FOXP1: variants seen among roughly 807,000 people sequenced by gnomAD.
The protein encoded by FOXP1 is forkhead box P1, also known as forkhead box protein P1.
Under a neutral mutation model 98.2 loss-of-function variants are expected in FOXP1, and 15 were observed. The observed-to-expected ratio is 0.15, with a 90% CI of 0.10 to 0.24. The LOEUF (loss-of-function observed/expected upper bound fraction) is 0.24. Among genes scored for constraint, FOXP1 ranks in the 10% least tolerant of loss-of-function variants. The pLI, the probability that FOXP1 is intolerant of heterozygous loss-of-function variation, is 1.00. For synonymous variants in FOXP1, 371 were observed against 314.5 expected, an observed-to-expected ratio of 1.18 and a Z score of -1.90; for missense variants, 633 against 848.5, an observed-to-expected ratio of 0.75 and a Z score of 3.15.
intron 2 of FOXP1, among the ~76,000 whole-genome samples, chr3:71,508,493 C>T (rs1032465556): frequency 6.6e-6 from 1 of 152,140 alleles, no homozygotes; most frequent in Non-Finnish European, 1.5e-5. Context: ...CTCCCAGAAG[C>T]TCTGGGGAAG....
rs1364626461 is a variant in FOXP1 at position 71,346,585 on chromosome 3, C to T, written c.-73+12565G>A. Among the ~76,000 whole-genome samples the T allele has an allele frequency of 5.3e-5, 8 of 152,244 alleles. No homozygotes were observed. In the South Asian group the frequency reaches 6.2e-4, roughly 12 times the overall value. On this transcript the variant is annotated intron_variant, in intron 4 of 20. Transcript: ENST00000649528. ...CCTATTCACTAAGGAAGCACCTAATCGAGAAAGTTTCCTAATGTTGCCTTT... is the reference window on the plus strand; with the variant it reads ...CCTATTCACTAAGGAAGCACCTAATTGAGAAAGTTTCCTAATGTTGCCTTT...
At chr3:71,133,819 A>AGT (rs1204040381) in intron 6 of FOXP1, among the ~76,000 whole-genome samples, 1 of 36,820 alleles carries the variant, frequency 2.7e-5, no homozygotes, top group East Asian at 2.3e-3. Context: ...GTCTACCCCG[A>AGT]ATATGTGTGT....
chr3:71,453,747 T>C (rs890172387), intron 3 of FOXP1, among the ~76,000 whole-genome samples: 4 of 152,216 alleles, frequency 2.6e-5, no homozygotes, highest in Non-Finnish European at 5.9e-5. Context: ...CTGATCACAC[T>C]GCTCTTTCAA....
intron 7 of FOXP1, among the ~76,000 whole-genome samples, chr3:71,085,735 C>CCTTTTTTTTTTTTTTTTTTTTTTT: frequency 2.7e-5 from 1 of 37,038 alleles, no homozygotes; most frequent in African/African-American, 9.9e-5. Flanking sequence ...CATTTATGGC[C>CCTTTTTTTTTTTTTTTTTTTTTTT]TTTTTTTTTT....
chr3:71,161,164 G>A (rs552551773), intron 6 of FOXP1, among the ~76,000 whole-genome samples: 7 of 152,266 alleles, frequency 4.6e-5, no homozygotes, highest in African/African-American at 1.4e-4. Flanking sequence ...CAAGGTTCCC[G>A]CTTCAGTTCC....
At chr3:71,164,346 C>A (rs1334102976) in intron 6 of FOXP1, among the ~76,000 whole-genome samples, 4 of 152,076 alleles carry the variant, frequency 2.6e-5, no homozygotes, top group Non-Finnish European at 4.4e-5. Context: ...ACTACAGGCG[C>A]CCGCCACCAC....
intron 3 of FOXP1, among the ~76,000 whole-genome samples, chr3:71,418,670 T>C (rs1207175260): frequency 6.6e-6 from 1 of 152,152 alleles, no homozygotes; most frequent in African/African-American, 2.4e-5. Context: ...ACTACTTAAC[T>C]GTCAATTATC....
At chr3:70,995,891 C>A (rs993689879) in intron 13 of FOXP1, among the ~76,000 whole-genome samples, 1 of 152,168 alleles carries the variant, frequency 6.6e-6, no homozygotes, top group Non-Finnish European at 1.5e-5. Context: ...TTACATCTTT[C>A]AACAATAATT....
Position 70,972,651 on chromosome 3 carries a change from A to C in FOXP1, c.1556T>G (p.Leu519Arg). The C allele has an allele frequency of 6.2e-7, 1 of 1,614,084 alleles. No homozygotes were observed. Among genetic ancestry groups the C allele is most frequent in the Non-Finnish European group, 8.5e-7 (1 of 1,179,912 alleles). ...WKNAVRHNLS[L>R]HKCFVRVENV... is the part of the protein sequence containing the mutation. ...TTCTACTCGCACAAAACACTTGTGA[A>C]GACTAAGATTATGACGCACTGCATT... The change falls in exon 18 of 21, where the codon CTT becomes CGT. Residue 519 changes from leucine to arginine, a missense_variant. Leu to Arg is a moderately radical substitution (Grantham distance 102, BLOSUM62 -2). This residue lies in a region of FOXP1 where 141 missense variants were observed against 199.5 expected (regional missense o/e 0.71). Coordinates refer to ENST00000649528, the MANE Select transcript of FOXP1 (RefSeq NM_001349338.3).
At chr3:71,516,374 T>G (rs1436479395) in intron 2 of FOXP1, among the ~76,000 whole-genome samples, 4 of 152,090 alleles carry the variant, frequency 2.6e-5, no homozygotes. Flanking sequence ...TATAATCAAT[T>G]GGTAAATCTC....
chr3:70,992,287 G>A (rs772006249), intron 13 of FOXP1, among the ~76,000 whole-genome samples: 7 of 152,072 alleles, frequency 4.6e-5, no homozygotes, highest in Non-Finnish European at 7.4e-5. Flanking sequence ...CAGTAGTTTC[G>A]TATACAATGA....
At chr3:71,131,831 A>G (rs1160986114) in intron 6 of FOXP1, among the ~76,000 whole-genome samples, 3 of 152,248 alleles carry the variant, frequency 2.0e-5, no homozygotes, top group Non-Finnish European at 4.4e-5. Flanking sequence ...GGTGGAACTG[A>G]TCAGCCACAA....
In FOXP1 at chr3:71,427,584, G is replaced by A. The variant is rs2084278844; in HGVS notation, c.-168+65842C>T. 2.0e-5 allele frequency among the ~76,000 whole-genome samples: 3 copies of A among 152,204 alleles called. No homozygotes were observed. The South Asian group carries it at 6.2e-4, about 32-fold the overall frequency. ...TGATATGATTTGGGTTCTTCCAGGA[G>A]GGACATATAAAGGCAGAGTTGTCAG... On this transcript the variant is annotated intron_variant, in intron 3 of 20. Coordinates refer to ENST00000649528, the MANE Select transcript of FOXP1 (RefSeq NM_001349338.3).
intron 7 of FOXP1, among the ~76,000 whole-genome samples, chr3:71,071,763 G>C (rs1036601497): frequency 6.6e-6 from 1 of 151,904 alleles, no homozygotes; most frequent in African/African-American, 2.4e-5. Context: ...TAGTAGAGAC[G>C]GTGTTTCACC....
chr3:71,284,796 T>C (rs1248258508), intron 5 of FOXP1, among the ~76,000 whole-genome samples: 1 of 152,022 alleles, frequency 6.6e-6, no homozygotes, highest in Non-Finnish European at 1.5e-5. Flanking sequence ...AAATACCATA[T>C]ACTGTATGGC....
intron 4 of FOXP1, among the ~76,000 whole-genome samples, chr3:71,341,466 T>A (rs1348741708): frequency 6.6e-6 from 1 of 152,132 alleles, no homozygotes; most frequent in Non-Finnish European, 1.5e-5. Flanking sequence ...TAGCTGTAAA[T>A]ACCTATATTT....
chr3:71,097,409 C>T (rs1397578646), intron 7 of FOXP1, among the ~76,000 whole-genome samples: 3 of 152,138 alleles, frequency 2.0e-5, no homozygotes, highest in African/African-American at 4.8e-5. Context: ...CAGTATGGCC[C>T]ACAAAACCTA....
chr3:71,492,532 T>C (rs932994793), intron 3 of FOXP1, among the ~76,000 whole-genome samples: 3 of 152,008 alleles, frequency 2.0e-5, no homozygotes, highest in East Asian at 1.9e-4. Flanking sequence ...CAACTCCCAA[T>C]ACAGTGCCCT....
At chr3:71,170,180 T>G (rs911272056) in intron 6 of FOXP1, among the ~76,000 whole-genome samples, 1 of 152,222 alleles carries the variant, frequency 6.6e-6, no homozygotes, top group Non-Finnish European at 1.5e-5. Context: ...CAAGGCCATA[T>G]GTCTGTGTTT....
Sources: gnomAD v4.1 joint callset for allele counts (sites outside exome capture counted in the v4.1 genomes callset) on GRCh38, gnomAD v4.1.1 for gene constraint, gnomAD v4.1.1 regional missense constraint, MANE v1.5 for transcripts, NCBI Gene and HGNC (gene_info 2026-07-23, HGNC 2026-07-21) for gene names.